Variants in GRAMD4 observed in about 807,000 individuals in gnomAD.
GRAMD4 encodes the protein GRAM domain-containing protein 4.
In GRAMD4, 25 loss-of-function variants were observed where a neutral mutation model predicts 83.9. The observed-to-expected ratio is 0.30, with a 90% CI of 0.22 to 0.42. The LOEUF (loss-of-function observed/expected upper bound fraction) is 0.42. GRAMD4 is among the 10% of genes least tolerant of loss of function. The pLI, the probability that GRAMD4 is intolerant of heterozygous loss-of-function variation, is 1.00. For synonymous variants in GRAMD4, 336 were observed against 320.9 expected (o/e 1.05, Z -0.50); for missense variants, 593 against 788.7 (o/e 0.75, Z 2.97).
At chr22:46,619,229 C>T (rs972624981), upstream of GRAMD4, among the ~76,000 whole-genome samples, 3 of 152,278 alleles carry the variant, frequency 2.0e-5, no homozygotes, top group African/African-American at 4.8e-5. Flanking sequence ...AGTCTCAGGA[C>T]CCCAGAGGGC....
Position 46,620,879 on chromosome 22 carries a change from C to G in GRAMD4, c.-50+314C>G, listed in dbSNP as rs1249966297. Among the ~76,000 whole-genome samples, 1 of 151,992 alleles carries G rather than the reference C, an allele frequency of 6.6e-6. No homozygotes were observed. Among genetic ancestry groups the G allele is most frequent in the Non-Finnish European group, 1.5e-5 (1 of 67,982 alleles). On this transcript the variant is annotated intron_variant, in intron 1 of 18. Coordinates refer to ENST00000406902, the MANE Select transcript of GRAMD4 (RefSeq NM_015124.5). This position sits in a 1 kb window ranked among gnomAD's most constrained non-coding sequence, Gnocchi z 4.7. ...GGAAGCCCCTCAGAACCTGACAGGA[C>G]GAGAGGAAGGGAGGCCGATCTGAGA...
chr22:46,629,787 C>T lies in GRAMD4; in HGVS notation c.162+2826C>T, dbSNP rs138085140. On this transcript the variant is annotated intron_variant, in intron 2 of 18. Coordinates refer to ENST00000406902, the MANE Select transcript of GRAMD4 (RefSeq NM_015124.5). ...AGGTTTTTATCACCTGAAAGAGACC[C>T]CGTTCCTTTCACAGTCACTCCCATT... Among the ~76,000 whole-genome samples, 645 of 152,346 alleles carry T rather than the reference C, an allele frequency of 4.2e-3. 3 individuals are homozygous for T. Among genetic ancestry groups the T allele is most frequent in the African/African-American group, 0.015 (620 of 41,578 alleles).
chr22:46,681,365 T>C (rs1453622197), downstream of GRAMD4, among the ~76,000 whole-genome samples: 1 of 152,254 alleles, frequency 6.6e-6, no homozygotes, highest in Non-Finnish European at 1.5e-5. Flanking sequence ...CCATTTAGTG[T>C]CAATAAAGGT....
intron 3 of GRAMD4, among the ~76,000 whole-genome samples, chr22:46,638,548 G>A (rs2081925939): frequency 6.6e-6 from 1 of 152,150 alleles, no homozygotes; most frequent in South Asian, 2.1e-4. Flanking sequence ...TTGGTGTATC[G>A]CTCTTGAGCC....
intron 1 of GRAMD4, among the ~76,000 whole-genome samples, chr22:46,625,135 C>T (rs538375234): frequency 5.8e-4 from 89 of 152,318 alleles, no homozygotes; most frequent in Middle Eastern, 3.4e-3. Flanking sequence ...GCTGGAATTA[C>T]AGGCGTGAGC....
intron 13 of GRAMD4, among the ~76,000 whole-genome samples, chr22:46,671,848 A>G (rs1456945171): frequency 6.6e-6 from 1 of 152,200 alleles, no homozygotes; most frequent in African/African-American, 2.4e-5. Context: ...AAAAGAATCA[A>G]CAAGTTGAGA....
intron 13 of GRAMD4, among the ~76,000 whole-genome samples, chr22:46,671,732 C>G (rs1293889447): frequency 6.6e-6 from 1 of 150,664 alleles, no homozygotes; most frequent in Non-Finnish European, 1.5e-5. Flanking sequence ...CCCAGCTACT[C>G]GAGAGGCTGA....
chr22:46,615,564 C>CTT, upstream of GRAMD4, among the ~76,000 whole-genome samples: 1 of 83,226 alleles, frequency 1.2e-5, no homozygotes, highest in African/African-American at 4.8e-5. Context: ...TTCCCCTGTG[C>CTT]GTGTAGGTTC....
In GRAMD4 at chr22:46,629,166, G is replaced by A. The variant is rs369254441; in HGVS notation, c.162+2205G>A. Among the ~76,000 whole-genome samples the A allele has an allele frequency of 1.3e-3, 191 of 152,228 alleles. 4 individuals are homozygous for A. In the South Asian group the frequency reaches 0.038, roughly 31 times the overall value. ...TCCTAGTGTGGGTGAGCAGGGCCCCGCTTGGGGCATCGTGCTGAATGCAGG... is the reference window on the plus strand; with the variant it reads ...TCCTAGTGTGGGTGAGCAGGGCCCCACTTGGGGCATCGTGCTGAATGCAGG... On this transcript the variant is annotated intron_variant, in intron 2 of 18. Coordinates refer to ENST00000406902, the MANE Select transcript of GRAMD4 (RefSeq NM_015124.5).
At position 46,628,454 on chromosome 22, in the gene GRAMD4, G is replaced by T. The variant is rs146171905; in HGVS notation, c.162+1493G>T. On this transcript the variant is annotated intron_variant, in intron 2 of 18. Coordinates refer to ENST00000406902, the MANE Select transcript of GRAMD4 (RefSeq NM_015124.5). ...TCTGAGGGGCGGGTGGACTGAGTGT[G>T]TGCGTTGGTGTCTGAGGGGCGGGTG... Among the ~76,000 whole-genome samples, 190 of 145,390 alleles carry T rather than the reference G, an allele frequency of 1.3e-3. 7 individuals carry two copies. The East Asian group carries it at 0.033, about 26-fold the overall frequency.
rs554857744 is a variant in GRAMD4 at position 46,674,996 on chromosome 22, C to T, written c.1478+246C>T. Among the ~76,000 whole-genome samples the T allele has an allele frequency of 3.2e-4, 48 of 152,354 alleles. No homozygotes were observed. The South Asian group carries it at 4.8e-3, about 15-fold the overall frequency. ...CGGGGATGCTGTCTTCTCTGGGGCC[C>T]AAGCAGTTCATGGAGACGAGGGGCA... On this transcript the variant is annotated intron_variant, in intron 16 of 18. Coordinates refer to ENST00000406902, the MANE Select transcript of GRAMD4 (RefSeq NM_015124.5).
chr22:46,674,487 C>T (rs1303826081), intron 15 of GRAMD4, 170 bp from the exon 16 acceptor site: 6 of 643,694 alleles, frequency 9.3e-6, no homozygotes, highest in African/African-American at 3.6e-5. Flanking sequence ...TGTTTTCCAC[C>T]CTCTGGGGCC....
upstream of GRAMD4, among the ~76,000 whole-genome samples, chr22:46,619,616 C>T (rs941593417): frequency 1.3e-5 from 2 of 152,174 alleles, no homozygotes; most frequent in Admixed American, 6.5e-5. Flanking sequence ...TTGGTAGAAC[C>T]AGGCCTTCTT....
At chr22:46,619,190 C>G (rs1398627107), upstream of GRAMD4, among the ~76,000 whole-genome samples, 3 of 152,152 alleles carry the variant, frequency 2.0e-5, no homozygotes, top group Non-Finnish European at 4.4e-5. Context: ...TGGCCAAGGT[C>G]GGGCACGGGC....
intron 2 of GRAMD4, among the ~76,000 whole-genome samples, chr22:46,636,583 G>T (rs1050372089): frequency 2.6e-4 from 39 of 152,392 alleles, no homozygotes; most frequent in African/African-American, 7.7e-4. Flanking sequence ...GGGTGGCCTT[G>T]TTGAAGCCGC....
chr22:46,658,664 G>A (rs2082281596), intron 4 of GRAMD4, among the ~76,000 whole-genome samples: 1 of 152,098 alleles, frequency 6.6e-6, no homozygotes, highest in Non-Finnish European at 1.5e-5. Context: ...CGGCCTGCTG[G>A]TGACCCCATT....
chr22:46,655,288 C>T (rs1331519127), intron 3 of GRAMD4, among the ~76,000 whole-genome samples: 1 of 148,646 alleles, frequency 6.7e-6, no homozygotes, highest in Non-Finnish European at 1.5e-5. Flanking sequence ...GTGGGGGCCT[C>T]GGGAGGGAGC....
intron 1 of GRAMD4, among the ~76,000 whole-genome samples, chr22:46,585,601 C>G (rs1392476513): frequency 6.6e-6 from 1 of 152,242 alleles, no homozygotes; most frequent in East Asian, 1.9e-4. Flanking sequence ...CCCTTGTGTT[C>G]GCGGTCCCAT....
chr22:46,636,133 C>G (rs2081884060), intron 2 of GRAMD4, among the ~76,000 whole-genome samples: 1 of 152,214 alleles, frequency 6.6e-6, no homozygotes, highest in Non-Finnish European at 1.5e-5. Flanking sequence ...CTTGGAGCCC[C>G]AGACCCATGT....
Sources: allele counts gnomAD v4.1 joint callset (sites outside exome capture counted in the v4.1 genomes callset), GRCh38; gene constraint gnomAD v4.1.1; non-coding constraint Gnocchi (gnomAD v3.1); transcripts MANE v1.5; gene names NCBI Gene and HGNC (gene_info 2026-07-23, HGNC 2026-07-21).